The following KCNT2 variants were observed in gnomAD, a reference collection of about 807,000 sequenced individuals.
The protein encoded by KCNT2 is potassium sodium-activated channel subfamily T member 2.
KCNT2 carries 67 observed loss-of-function variants against 153.8 expected under a neutral mutation model. The observed-to-expected ratio is 0.44, with a 90% confidence interval of 0.36 to 0.53. The LOEUF (loss-of-function observed/expected upper bound fraction) is 0.53, where lower values mean the gene tolerates loss of function less well. Among genes scored for constraint, KCNT2 ranks in the 20% least tolerant of loss-of-function variants. KCNT2 has a pLI of 0.00. For synonymous variants in KCNT2, 500 were observed against 458.8 expected (o/e 1.09, Z -1.15); for missense variants, 975 against 1,354.8 (o/e 0.72, Z 4.40).
chr1:196,479,188 A>G lies in KCNT2; in HGVS notation c.375T>C (p.Leu125=), dbSNP rs769737635. Residue 125 remains leucine, a synonymous_variant, in exon 5 of 28, where the codon CTT becomes CTC. Coordinates refer to ENST00000294725, the MANE Select transcript of KCNT2 (RefSeq NM_198503.5). ...SLFETILLGY[L]SYKGNIWEQI... ...AATTAAAATAACTTACCTTATAACT[A>G]AGATAACCAAGTAATATTGTTTCAA... 1 of 1,555,836 alleles carries G rather than the reference A, an allele frequency of 6.4e-7. No individual in the cohort carries two copies. The highest frequency in any genetic ancestry group is 1.1e-5 in the South Asian group (1 of 88,552).
chr1:196,361,023 A>G (rs1220060822), intron 14 of KCNT2, among the ~76,000 whole-genome samples: 1 of 152,082 alleles, frequency 6.6e-6, no homozygotes, highest in East Asian at 1.9e-4. Context: ...AGAAGTAAGA[A>G]AAAGGCCTTT....
chr1:196,379,665 T>C (rs1202004727), intron 13 of KCNT2, among the ~76,000 whole-genome samples: 1 of 152,076 alleles, frequency 6.6e-6, no homozygotes, highest in Non-Finnish European at 1.5e-5. Context: ...TCTTATCTTG[T>C]ATTTTCTTCT....
chr1:196,473,717 G>T (rs1036695531), intron 5 of KCNT2, among the ~76,000 whole-genome samples: 3 of 152,052 alleles, frequency 2.0e-5, no homozygotes, highest in Non-Finnish European at 4.4e-5. Context: ...CTTAAAAATA[G>T]CTAATGAAAC....
intron 8 of KCNT2, among the ~76,000 whole-genome samples, chr1:196,453,990 C>T (rs895714854): frequency 1.5e-5 from 2 of 134,088 alleles, no homozygotes; most frequent in African/African-American, 5.6e-5. Flanking sequence ...ATTTTGTCAT[C>T]TTTCCATTTT....
At chr1:196,418,782 T>C (rs1246161881) in intron 12 of KCNT2, among the ~76,000 whole-genome samples, 3 of 152,130 alleles carry the variant, frequency 2.0e-5, no homozygotes, top group Non-Finnish European at 4.4e-5. Flanking sequence ...ACAGTAAAAT[T>C]GTGAAGAACT....
intron 1 of KCNT2, among the ~76,000 whole-genome samples, chr1:196,528,264 A>G (rs927456207): frequency 6.6e-6 from 1 of 152,218 alleles, no homozygotes; most frequent in African/African-American, 2.4e-5. Context: ...TATTGTGAAC[A>G]AATACTTTAC....
chr1:196,560,877 C>T (rs548033686), intron 1 of KCNT2, among the ~76,000 whole-genome samples: 1 of 151,878 alleles, frequency 6.6e-6, no homozygotes, highest in Non-Finnish European at 1.5e-5. Context: ...TTCCTTCCAT[C>T]TTTGTAGTAC....
At chr1:196,585,813 C>T (rs2148988406) in intron 1 of KCNT2, among the ~76,000 whole-genome samples, 1 of 152,204 alleles carries the variant, frequency 6.6e-6, no homozygotes, top group South Asian at 2.1e-4. Flanking sequence ...TCTAGAAGTA[C>T]AGGATTTAAA....
chr1:196,342,946 T>C (rs887307935), intron 14 of KCNT2: 1 of 152,052 alleles, frequency 6.6e-6, no homozygotes, highest in Non-Finnish European at 1.5e-5. Flanking sequence ...GTTATGAGAG[T>C]GGAGCCCTCA....
At chr1:196,594,830 T>C (rs1254391531) in intron 1 of KCNT2, among the ~76,000 whole-genome samples, 1 of 152,146 alleles carries the variant, frequency 6.6e-6, no homozygotes, top group East Asian at 1.9e-4. Context: ...GGATGATTTC[T>C]GTGAATAAAT....
chr1:196,528,073 A>G (rs913372675), intron 1 of KCNT2, among the ~76,000 whole-genome samples: 3 of 152,254 alleles, frequency 2.0e-5, no homozygotes, highest in Non-Finnish European at 4.4e-5. Context: ...CATGTCTATT[A>G]CACAAGCTTC....
At chr1:196,557,244 AT>A (rs1321941024) in intron 1 of KCNT2, among the ~76,000 whole-genome samples, 1 of 151,230 alleles carries the variant, frequency 6.6e-6, no homozygotes, top group East Asian at 1.9e-4. Flanking sequence ...AATATCTCAT[AT>A]ACCCCTGAAA....
At chr1:196,535,099 C>A (rs1655389658) in intron 1 of KCNT2, among the ~76,000 whole-genome samples, 1 of 152,186 alleles carries the variant, frequency 6.6e-6, no homozygotes, top group South Asian at 2.1e-4. Flanking sequence ...CTCAGTCATA[C>A]TTTAATTTGC....
chr1:196,452,901 C>G (rs985950486), intron 8 of KCNT2, among the ~76,000 whole-genome samples: 1 of 151,844 alleles, frequency 6.6e-6, no homozygotes, highest in African/African-American at 2.4e-5. Context: ...GGGCAGTCTG[C>G]CTTACTCTAC....
intron 8 of KCNT2, among the ~76,000 whole-genome samples, chr1:196,443,168 A>G (rs1390630198): frequency 6.6e-6 from 1 of 151,594 alleles, no homozygotes; most frequent in Non-Finnish European, 1.5e-5. Context: ...TTGCTATCTC[A>G]GAGATGGGGA....
intron 1 of KCNT2, among the ~76,000 whole-genome samples, chr1:196,587,822 T>C (rs1314205656): frequency 6.6e-6 from 1 of 152,022 alleles, no homozygotes; most frequent in Non-Finnish European, 1.5e-5. Context: ...GGTAACATGA[T>C]GAAAAGTAAA....
chr1:196,268,384 A>C (rs1298739350), intron 25 of KCNT2, among the ~76,000 whole-genome samples: 1 of 152,208 alleles, frequency 6.6e-6, no homozygotes, highest in East Asian at 1.9e-4. Context: ...GACATCATTG[A>C]AAGTGACCAA....
At chr1:196,514,898 ATTTTAGATCATTAAT>A in intron 1 of KCNT2, among the ~76,000 whole-genome samples, 1 of 152,156 alleles carries the variant, frequency 6.6e-6, no homozygotes, top group East Asian at 1.9e-4. Context: ...GCAAGTCTGA[ATTTTAGATCATTAAT>A]TTTTAGAGAG....
chr1:196,511,748 A>G (rs1042032904), intron 1 of KCNT2, among the ~76,000 whole-genome samples: 1 of 152,096 alleles, frequency 6.6e-6, no homozygotes, highest in Non-Finnish European at 1.5e-5. Flanking sequence ...TGACATCTCT[A>G]TATGTGTTCA....
Sources: gnomAD v4.1 joint callset for allele counts (sites outside exome capture counted in the v4.1 genomes callset) on GRCh38, gnomAD v4.1.1 for gene constraint, MANE v1.5 for transcripts, NCBI Gene and HGNC (gene_info 2026-07-23, HGNC 2026-07-21) for gene names.